Variants in NISCH observed in about 807,000 individuals in gnomAD.
NISCH encodes the protein I-1 receptor candidate protein.
Under a neutral mutation model 138.4 loss-of-function variants are expected in NISCH, and 55 were observed. That is an observed-to-expected ratio of 0.40 (90% CI 0.32 to 0.50). NISCH has a LOEUF of 0.50. Among genes scored for constraint, NISCH ranks in the 20% least tolerant of loss-of-function variants. NISCH has a pLI of 0.71. For missense variants in NISCH, 1,643 were observed against 2,005.5 expected, an observed-to-expected ratio of 0.82 and a Z score of 3.45; for synonymous variants, 860 against 861.5, an observed-to-expected ratio of 1.00 and a Z score of 0.03.
intron 13 of NISCH, chr3:52,481,340 A>T: frequency 1.0e-6 from 1 of 996,702 alleles, no homozygotes; most frequent in South Asian, 4.6e-5. Flanking sequence ...AGAGCAGCAC[A>T]CTGAGGTCAC....
chr3:52,465,711 C>G (rs1455386545), intron 3 of NISCH, among the ~76,000 whole-genome samples: 1 of 152,206 alleles, frequency 6.6e-6, no homozygotes, highest in Non-Finnish European at 1.5e-5. Flanking sequence ...CTGTGGTGGA[C>G]TTGGAGGCAG....
At chr3:52,472,117 T>A in intron 5 of NISCH, 140 bp downstream of exon 5, 4 of 1,067,360 alleles carry the variant, frequency 3.7e-6, no homozygotes, top group Non-Finnish European at 5.4e-6. Flanking sequence ...TTCTTGGCAC[T>A]ATGCTTCTGG....
intron 20 of NISCH, 82 bp from the exon 21 acceptor site, chr3:52,491,790 T>G: frequency 1.3e-6 from 2 of 1,490,248 alleles, no homozygotes; most frequent in Non-Finnish European, 1.8e-6. Flanking sequence ...CCGGGGTCTC[T>G]CGGTTGGCTT....
chr3:52,483,550 CTG>C lies in NISCH; in HGVS notation c.1529-960_1529-959del, dbSNP rs372678055. 1.4e-3 allele frequency among the ~76,000 whole-genome samples: 217 copies of C among 152,360 alleles called. 2 individuals are homozygous for C. The highest frequency in any genetic ancestry group is 4.7e-3 in the African/African-American group (197 of 41,586). On this transcript the variant is annotated intron_variant, in intron 13 of 20. Coordinates refer to ENST00000345716, the MANE Select transcript of NISCH (RefSeq NM_007184.4). ...ACAGCTTCAGCGGGGTTTAGGAACA[CTG>C]TGCATTTACGGGACGCAGTGGGTCA... is the stretch of plus-strand genomic sequence containing the variant.
rs182998021 is a variant in NISCH, at chr3:52,481,984, C to T, written c.1528+1689C>T. ...CCCCTAAGGACTCTCCTGATGTCTCCGCTCTATCCGCTGAGTGCCCTTTCT... is the reference window on the plus strand; with the variant it reads ...CCCCTAAGGACTCTCCTGATGTCTCTGCTCTATCCGCTGAGTGCCCTTTCT... On this transcript the variant is annotated intron_variant, in intron 13 of 20. Coordinates refer to ENST00000345716, the MANE Select transcript of NISCH (RefSeq NM_007184.4). The T allele has an allele frequency of 3.3e-4, 298 of 915,268 alleles. 1 individual carries two copies. The Admixed American group carries it at 6.4e-3, about 20-fold the overall frequency. The allele number at this position is 915,268 out of a possible 1,614,324, so 56.7% of individuals were successfully genotyped here.
intron 1 of NISCH, among the ~76,000 whole-genome samples, chr3:52,456,047 C>A (rs1170768968): frequency 6.6e-6 from 1 of 151,880 alleles, no homozygotes; most frequent in Non-Finnish European, 1.5e-5. Context: ...AGGCGGAACC[C>A]CTCTAGATCC....
chr3:52,491,156 C>A (rs897586058), intron 19 of NISCH, among the ~76,000 whole-genome samples, 196 bp from the exon 20 acceptor site: 1 of 152,256 alleles, frequency 6.6e-6, no homozygotes, highest in Admixed American at 6.5e-5. Flanking sequence ...CTCTGTCTCC[C>A]CTTCCAGAAA....
intron 11 of NISCH, among the ~76,000 whole-genome samples, 185 bp from the exon 12 acceptor site, chr3:52,479,564 C>T (rs968188417): frequency 6.6e-6 from 1 of 152,188 alleles, no homozygotes; most frequent in Non-Finnish European, 1.5e-5. Flanking sequence ...GCAGGCTGAG[C>T]CTCCCTCAGC....
At chr3:52,470,506 A>C in intron 3 of NISCH, 1 of 277,704 alleles carries the variant, frequency 3.6e-6, no homozygotes, top group Non-Finnish European at 6.8e-6. Flanking sequence ...ACCCTCTCCT[A>C]GGAACACCCA....
intron 9 of NISCH, 154 bp downstream of exon 9, chr3:52,477,796 T>C (rs562778134): frequency 1.5e-6 from 1 of 674,970 alleles, no homozygotes; most frequent in African/African-American, 1.8e-5. Flanking sequence ...ACTGAGTGAT[T>C]GTTGCTCTAG....
rs13315631 is a variant in NISCH, at chr3:52,489,492, G to A, written c.3270G>A (p.Thr1090=). Residue 1090 remains threonine, a synonymous_variant, in exon 17 of 21, where the codon ACG becomes ACA. Coordinates refer to ENST00000345716, the MANE Select transcript of NISCH (RefSeq NM_007184.4). The part of the protein sequence containing the change: ...ASTSALVPEE[T]PVEAPAPPPA... ...CTTCAGCTTTGGTCCCAGAGGAGAC[G>A]CCAGTGGAAGCTCCAGCCCCACCCC... is the stretch of plus-strand genomic sequence containing the variant. The A allele has an allele frequency of 3.4e-3, 5,522 of 1,608,744 alleles. 152 individuals are homozygous for A. In the African/African-American group the frequency reaches 0.062, roughly 18 times the overall value.
rs1359590460 is a variant in NISCH, at chr3:52,490,212, C to T, written c.3594C>T (p.Tyr1198=). The T allele has an allele frequency of 6.2e-7, 1 of 1,612,970 alleles. No homozygotes were observed. The highest frequency in any genetic ancestry group is 8.5e-7 in the Non-Finnish European group (1 of 1,180,004). The stretch of plus-strand genomic sequence containing the variant: ...TGCTCCACGACGGCCTCCGCCGCTA[C>T]TTCTCAGAGCCACTGCAGGGTAGGC... ...YFVLHDGLRR[Y]FSEPLQDFWH... The change falls in exon 18 of 21, where the codon TAC becomes TAT. Residue 1198 remains tyrosine, a synonymous_variant. Coordinates refer to ENST00000345716, the MANE Select transcript of NISCH (RefSeq NM_007184.4).
At chr3:52,476,702 A>G in intron 8 of NISCH, 103 bp downstream of exon 8, 1 of 1,173,776 alleles carries the variant, frequency 8.5e-7, no homozygotes, top group Non-Finnish European at 1.2e-6. Context: ...GAAAACCTAT[A>G]TCTAGTGCTC....
intron 3 of NISCH, among the ~76,000 whole-genome samples, chr3:52,459,288 G>T (rs1214691303): frequency 6.6e-6 from 1 of 152,224 alleles, no homozygotes; most frequent in Non-Finnish European, 1.5e-5. Flanking sequence ...GGGTGCTAAG[G>T]TTGAGGGTGG....
At chr3:52,460,609 G>T (rs535186953) in intron 3 of NISCH, among the ~76,000 whole-genome samples, 10 of 152,064 alleles carry the variant, frequency 6.6e-5, no homozygotes, top group Admixed American at 3.9e-4. Context: ...TTGCAGTATT[G>T]CTCAGGTTGG....
chr3:52,485,445 C>T (rs1011555066), intron 14 of NISCH, among the ~76,000 whole-genome samples: 5 of 152,320 alleles, frequency 3.3e-5, no homozygotes, highest in South Asian at 2.1e-4. Flanking sequence ...AGGGTCGGAC[C>T]AAATTTGTAG....
intron 3 of NISCH, among the ~76,000 whole-genome samples, chr3:52,462,914 G>C (rs1326170176): frequency 6.6e-6 from 1 of 152,202 alleles, no homozygotes; most frequent in Non-Finnish European, 1.5e-5. Flanking sequence ...GGGATTACAG[G>C]CATGAGCCAC....
intron 6 of NISCH, 54 bp from the exon 7 acceptor site, chr3:52,473,680 A>C: frequency 7.7e-7 from 1 of 1,293,956 alleles, no homozygotes; most frequent in Non-Finnish European, 1.1e-6. Flanking sequence ...GCATCTGGGG[A>C]CTTCTGACGG....
chr3:52,470,820 A>C, intron 3 of NISCH, 39 bp from the exon 4 acceptor site: 1 of 1,594,678 alleles, frequency 6.3e-7, no homozygotes, highest in Non-Finnish European at 8.6e-7. Context: ...GACTGGGGTC[A>C]GGTGGACTTT....
Sources: gnomAD v4.1 joint callset for allele counts (sites outside exome capture counted in the v4.1 genomes callset) on GRCh38, gnomAD v4.1.1 for gene constraint, MANE v1.5 for transcripts, NCBI Gene and HGNC (gene_info 2026-07-23, HGNC 2026-07-21) for gene names.